The following SULT1A1 variants were observed in gnomAD, a reference collection of about 807,000 sequenced individuals.
The protein encoded by SULT1A1 is sulfotransferase family 1A member 1.
SULT1A1 carries 35 observed loss-of-function variants against 36.8 expected under a neutral mutation model. That is an observed-to-expected ratio of 0.95 (90% CI 0.73 to 1.26). The LOEUF (loss-of-function observed/expected upper bound fraction) is 1.26, where lower values mean the gene tolerates loss of function less well. Among genes scored for constraint, SULT1A1 ranks in the 50% most tolerant of loss-of-function variants. The probability of loss-of-function intolerance (pLI) is 0.00; values close to 1 mark genes in which losing one functional copy is unlikely to be tolerated. For synonymous variants in SULT1A1, 119 were observed against 146.0 expected (o/e 0.82, Z 1.33); for missense variants, 309 against 383.0 (o/e 0.81, Z 1.61).
Position 28,606,114 on chromosome 16 carries a change from G to T in SULT1A1, c.717C>A (p.Asn239Lys). 1 of 1,610,234 alleles carries T rather than the reference G, an allele frequency of 6.2e-7. No individual in the cohort carries two copies. The highest frequency in any genetic ancestry group is 2.2e-5 in the East Asian group (1 of 44,796). ...FKEMKKNPMT[N>K]YTTVPQEFMD... Reference sequence around the variant, plus strand: ...TGAACTCCTGGGGGACGGTGGTGTAGTTGGTCATAGGGTTCTTCTTCATCT... The same window carrying T: ...TGAACTCCTGGGGGACGGTGGTGTATTTGGTCATAGGGTTCTTCTTCATCT... Residue 239 changes from asparagine to lysine, a missense_variant, in exon 7 of 8, where the codon AAC becomes AAA. This residue lies in a region of SULT1A1 where 67 missense variants were observed against 122.0 expected (regional missense o/e 0.55). Coordinates refer to ENST00000314752, the MANE Select transcript of SULT1A1 (RefSeq NM_001055.4).
At chr16:28,623,170 C>A in exon 1 of SULT1A1, 1 of 1,551,080 alleles carries the variant, frequency 6.4e-7, no homozygotes. Flanking sequence ...GCACCGACCA[C>A]CTGGTCGCAC....
intron 2 of SULT1A1, among the ~76,000 whole-genome samples, chr16:28,617,289 T>C (rs2047564610): frequency 6.6e-6 from 1 of 152,156 alleles, no homozygotes; most frequent in African/African-American, 2.4e-5. Context: ...GTGCTAGCAT[T>C]ACAGGCATGA....
intron 1 of SULT1A1, among the ~76,000 whole-genome samples, chr16:28,622,774 T>C (rs988050742): frequency 6.6e-6 from 1 of 152,136 alleles, no homozygotes; most frequent in African/African-American, 2.4e-5. Context: ...TGGGCCTTTT[T>C]CAGGGGGCAA....
intron 1 of SULT1A1, chr16:28,609,245 T>G: frequency 7.9e-7 from 1 of 1,265,992 alleles, no homozygotes; most frequent in Non-Finnish European, 1.0e-6. Context: ...GCCCTTTGTC[T>G]CACCACTTCC....
rs4149394 is a variant in SULT1A1, at chr16:28,606,253, C to T, written c.595-17G>A. ...TTTCGGGTTCTGAGCAGCAGAGGGCCCCTCAGTGGAGGCTCGGATTACTGA... is the reference window on the plus strand; with the variant it reads ...TTTCGGGTTCTGAGCAGCAGAGGGCTCCTCAGTGGAGGCTCGGATTACTGA... On this transcript the variant is annotated splice_polypyrimidine_tract_variant and intron_variant, in intron 6 of 7. Coordinates refer to ENST00000314752, the MANE Select transcript of SULT1A1 (RefSeq NM_001055.4). 0.36 allele frequency: 535,645 copies of T among 1,487,672 alleles called. 110,168 individuals are homozygous for T. Among genetic ancestry groups the T allele is most frequent in the Admixed American group, 0.45 (24,669 of 55,046 alleles). The allele number at this position is 1,487,672 out of a possible 1,614,324, so 92.2% of individuals were successfully genotyped here.
chr16:28,609,807 G>T, intron 1 of SULT1A1, 124 bp downstream of exon 1: 9 of 1,063,596 alleles, frequency 8.5e-6, no homozygotes, highest in Non-Finnish European at 1.1e-5. Context: ...GCAGGCCAGG[G>T]TTGTCTGAAA....
upstream of SULT1A1, chr16:28,614,417 G>GA (rs1490345842): frequency 7.4e-6 from 1 of 134,446 alleles, no homozygotes; most frequent in Admixed American, 8.0e-5. Flanking sequence ...CCTCCTCCAG[G>GA]AAGCCTTCCT....
chr16:28,609,487 G>A, intron 1 of SULT1A1: 1 of 1,084,492 alleles, frequency 9.2e-7, no homozygotes, highest in Non-Finnish European at 1.2e-6. Flanking sequence ...CACAGGCCTA[G>A]GCAGGGTGGC....
rs574273121 is a variant in SULT1A1, at chr16:28,622,528, C to T, written c.67+603G>A. ...GAGACCCCAGGGGAAAATCTTGTTACCAAAGCAGGACTAGGCCCCTGGGCA... is the reference window on the plus strand; with the variant it reads ...GAGACCCCAGGGGAAAATCTTGTTATCAAAGCAGGACTAGGCCCCTGGGCA... On this transcript the variant is annotated intron_variant, in intron 1 of 5. Transcript: ENST00000350842. Among the ~76,000 whole-genome samples, 10 of 152,246 alleles carry T rather than the reference C, an allele frequency of 6.6e-5. No homozygotes were observed. In the South Asian group the frequency reaches 2.1e-3, roughly 32 times the overall value.
chr16:28,623,211 C>T (rs1334799176), exon 1 of SULT1A1: 14 of 1,546,338 alleles, frequency 9.1e-6, no homozygotes, highest in Non-Finnish European at 1.0e-5. Flanking sequence ...GCGCGGCGCT[C>T]GGCCCGGGAG....
chr16:28,607,042 T>G lies in SULT1A1; in HGVS notation c.408A>C (p.Ala136=). The G allele has an allele frequency of 1.2e-6, 2 of 1,612,520 alleles. No individual in the cohort carries two copies. Among genetic ancestry groups the G allele is most frequent in the Non-Finnish European group, 1.7e-6 (2 of 1,178,704 alleles). ...TGTGGTAGAAGTGGTAGTAGGAAAC[T>G]GCCACATCCTTTGCGTTGCGGGCAA... ...VYVARNAKDV[A]VSYYHFYHMA... is the part of the protein sequence containing the mutation. Residue 136 remains alanine, a synonymous_variant, in exon 5 of 8, where the codon GCA becomes GCC. Coordinates refer to ENST00000314752, the MANE Select transcript of SULT1A1 (RefSeq NM_001055.4).
Position 28,605,695 on chromosome 16 carries a change from GC to G in SULT1A1, c.*125del. Reference sequence around the variant, plus strand: ...GGGCTCAAATGATCCTCCCACCTCAGCCTCCAAATTGCTGGGATTACAGACA... The same window carrying G: ...GGGCTCAAATGATCCTCCCACCTCAGCTCCAAATTGCTGGGATTACAGACA... On this transcript the variant is annotated 3_prime_UTR_variant, in exon 8 of 8. Coordinates refer to ENST00000314752, the MANE Select transcript of SULT1A1 (RefSeq NM_001055.4). The G allele has an allele frequency of 6.7e-7, 1 of 1,499,962 alleles. No homozygotes were observed. Among genetic ancestry groups the G allele is most frequent in the Non-Finnish European group, 9.1e-7 (1 of 1,097,196 alleles). 92.9% of individuals were successfully genotyped at this position (1,499,962 alleles called of 1,614,324 possible).
chr16:28,619,308 G>A (rs1454645804), intron 2 of SULT1A1, among the ~76,000 whole-genome samples: 3 of 152,172 alleles, frequency 2.0e-5, no homozygotes, highest in Non-Finnish European at 4.4e-5. Context: ...CACCGTGCCC[G>A]GCCCAGAGAA....
intron 1 of SULT1A1, chr16:28,623,118 C>A (rs532325432): frequency 5.2e-6 from 8 of 1,545,516 alleles, no homozygotes; most frequent in Non-Finnish European, 5.2e-6. Flanking sequence ...AGGTTCCCCC[C>A]CCGGCCCCTC....
intron 1 of SULT1A1, among the ~76,000 whole-genome samples, chr16:28,622,303 G>A (rs1163393797): frequency 2.6e-5 from 4 of 152,118 alleles, no homozygotes; most frequent in African/African-American, 4.8e-5. Flanking sequence ...TTTGTGACTC[G>A]TTAAGGGAAT....
rs191976977 is a variant in SULT1A1 at position 28,619,302 on chromosome 16, G to A, written c.138+761C>T. Among the ~76,000 whole-genome samples, 503 of 152,308 alleles carry A rather than the reference G, an allele frequency of 3.3e-3. 3 individuals are homozygous for A. Among genetic ancestry groups the A allele is most frequent in the African/African-American group, 0.011 (477 of 41,566 alleles). On this transcript the variant is annotated intron_variant, in intron 2 of 5. Coordinates refer to the SULT1A1 transcript ENST00000350842. The stretch of plus-strand genomic sequence containing the variant: ...GTTGGGATTAGAGGCGTGAGCCACC[G>A]TGCCCGGCCCAGAGAAAGTATTTCT...
At chr16:28,607,131 G>A in intron 4 of SULT1A1, 54 bp from the exon 5 acceptor site, 2 of 1,603,138 alleles carry the variant, frequency 1.2e-6, no homozygotes, top group South Asian at 1.1e-5. Context: ...CCTGTCCCAG[G>A]CCAGCTCATC....
chr16:28,610,851 T>C (rs899751175), upstream of SULT1A1: 2 of 152,350 alleles, frequency 1.3e-5, no homozygotes, highest in Non-Finnish European at 1.5e-5. Context: ...TTATCCTCAC[T>C]TTAAAGTCCA....
chr16:28,606,696 GCGGGTC>G, intron 6 of SULT1A1, 59 bp downstream of exon 6: 1 of 1,589,278 alleles, frequency 6.3e-7, no homozygotes, highest in Non-Finnish European at 8.6e-7. Flanking sequence ...GGTGGCCTTG[GCGGGTC>G]CCTGTGAGGT....
Sources: gnomAD v4.1 joint callset for allele counts (sites outside exome capture counted in the v4.1 genomes callset) on GRCh38, gnomAD v4.1.1 for gene constraint, gnomAD v4.1.1 regional missense constraint, MANE v1.5 for transcripts, NCBI Gene and HGNC (gene_info 2026-07-23, HGNC 2026-07-21) for gene names.